GPR19: variants seen among roughly 807,000 people sequenced by gnomAD.
GPR19 encodes G protein-coupled receptor 19, also known as probable G protein-coupled receptor 19.
Under a neutral mutation model 28.5 loss-of-function variants are expected in GPR19, and 14 were observed. The ratio of observed to expected loss-of-function variants is 0.49; its 90% CI spans 0.32 to 0.77. The LOEUF is 0.77. GPR19 is among the 30% of genes least tolerant of loss of function. The probability of loss-of-function intolerance (pLI) is 0.03; values close to 1 mark genes in which losing one functional copy is unlikely to be tolerated. For missense variants in GPR19, 409 were observed against 504.1 expected, an observed-to-expected ratio of 0.81 and a Z score of 1.81; for synonymous variants, 173 against 184.1, an observed-to-expected ratio of 0.94 and a Z score of 0.49.
At position 12,662,187 on chromosome 12, in the gene GPR19, A is replaced by G; in HGVS notation, c.262T>C (p.Leu88=). The stretch of plus-strand genomic sequence containing the variant: ...GTCCTCCTACTCCTATGGATGACCA[A>G]ACAAACCAGGGAATTGCCGAAGATA... The part of the protein sequence containing the change: ...FSIFGNSLVC[L]VIHRSRRTQS... The change falls in exon 4 of 4, where the codon TTG becomes CTG. Residue 88 remains leucine (L), a synonymous_variant. Coordinates refer to ENST00000651487, the MANE Select transcript of GPR19 (RefSeq NM_006143.3). 6.2e-7 allele frequency: 1 copy of G among 1,614,260 alleles called. No homozygotes were observed. The highest frequency in any genetic ancestry group is 8.5e-7 in the Non-Finnish European group (1 of 1,180,046).
rs192774444 is a variant in GPR19, at chr12:12,675,572, A to G, written c.-23+8779T>C. Among the ~76,000 whole-genome samples the G allele has an allele frequency of 4.0e-3, 613 of 152,320 alleles. 2 individuals carry two copies. Among genetic ancestry groups the G allele is most frequent in the African/African-American group, 0.014 (585 of 41,570 alleles). ...ATCCAGGTAGGCCCAATCTAAGCAC[A>G]TGAGCCCTTAAATGCAGGGAACTTT... On this transcript the variant is annotated intron_variant, in intron 3 of 3. Coordinates refer to ENST00000651487, the MANE Select transcript of GPR19 (RefSeq NM_006143.3).
chr12:12,685,623 A>C (rs1044139817), intron 2 of GPR19, among the ~76,000 whole-genome samples: 8 of 152,246 alleles, frequency 5.3e-5, no homozygotes, highest in Non-Finnish European at 4.4e-5. Context: ...GGATTTAAAC[A>C]GTATTCTCAG....
chr12:12,701,037 A>G (rs1305952110), upstream of GPR19, among the ~76,000 whole-genome samples: 2 of 152,186 alleles, frequency 1.3e-5, no homozygotes. Context: ...AATTCCAATT[A>G]AGAGCAGTTT....
In GPR19 at chr12:12,693,141, T is replaced by C. The variant is rs144302848; in HGVS notation, c.-180+2318A>G. ...AAGCTGAAATTGCTGACCATGCCAC[T>C]TGTATTCCAAGTGATTCTGTGTTCC... On this transcript the variant is annotated intron_variant, in intron 2 of 3. Coordinates refer to ENST00000651487, the MANE Select transcript of GPR19 (RefSeq NM_006143.3). 6.8e-4 allele frequency among the ~76,000 whole-genome samples: 104 copies of C among 152,344 alleles called. 1 individual carries two copies. The East Asian group carries it at 0.014, about 21-fold the overall frequency.
chr12:12,673,658 TGA>T (rs1487168322), intron 3 of GPR19, among the ~76,000 whole-genome samples: 1 of 152,082 alleles, frequency 6.6e-6, no homozygotes, highest in African/African-American at 2.4e-5. Context: ...GAAGAAATGA[TGA>T]GTGCAAAGAC....
upstream of GPR19, among the ~76,000 whole-genome samples, chr12:12,701,034 A>G (rs1353908161): frequency 6.6e-6 from 1 of 152,154 alleles, no homozygotes; most frequent in African/African-American, 2.4e-5. Context: ...ATTAATTCCA[A>G]TTAAGAGCAG....
chr12:12,666,047 G>A (rs1945773841), intron 3 of GPR19, among the ~76,000 whole-genome samples: 1 of 152,074 alleles, frequency 6.6e-6, no homozygotes, highest in Non-Finnish European at 1.5e-5. Flanking sequence ...AGGATGAATA[G>A]GACTTCTTCA....
upstream of GPR19, among the ~76,000 whole-genome samples, chr12:12,698,238 A>T (rs965401530): frequency 3.9e-5 from 6 of 152,246 alleles, no homozygotes; most frequent in Admixed American, 3.9e-4. Context: ...ACTGAAAAAA[A>T]ATCTTTGGTG....
At chr12:12,670,743 GTAA>G (rs1247103894) in intron 3 of GPR19, among the ~76,000 whole-genome samples, 1 of 152,128 alleles carries the variant, frequency 6.6e-6, no homozygotes, top group African/African-American at 2.4e-5. Context: ...ACATACTATA[GTAA>G]TAATACTAAC....
the GPR19 span, among the ~76,000 whole-genome samples, chr12:12,701,272 A>C: frequency 6.6e-6 from 1 of 152,338 alleles, no homozygotes; most frequent in East Asian, 1.9e-4. Context: ...TATGTTGCTA[A>C]GGTTTTCTCT....
chr12:12,699,850 G>A (rs558045100), upstream of GPR19, among the ~76,000 whole-genome samples: 2 of 152,246 alleles, frequency 1.3e-5, no homozygotes, highest in Admixed American at 1.3e-4. Flanking sequence ...TTTATGGTCT[G>A]TTATCTTCAA....
chr12:12,661,682 T>A lies in GPR19; in HGVS notation c.767A>T (p.Asp256Val). Residue 256 changes from aspartate (D) to valine (V), a missense_variant, in exon 4 of 4, where the codon GAT becomes GTT. Coordinates refer to ENST00000651487, the MANE Select transcript of GPR19 (RefSeq NM_006143.3). The surrounding 1 kb of genome is among the most constrained non-coding windows in gnomAD (Gnocchi z 4.2). ...CATTGTCCTCCTCACCGTTCGGCCA[T>A]CTGTGCCTATTCTCCAAATATATTT... is the stretch of plus-strand genomic sequence containing the variant. ...VIKYIWRIGT[D>V]GRTVRRTMNI... The A allele has an allele frequency of 1.2e-6, 2 of 1,614,148 alleles. No homozygotes were observed. Among genetic ancestry groups the A allele is most frequent in the Non-Finnish European group, 1.7e-6 (2 of 1,179,970 alleles).
chr12:12,711,505 A>G, the GPR19 span, among the ~76,000 whole-genome samples: 4 of 152,126 alleles, frequency 2.6e-5, no homozygotes, highest in East Asian at 7.7e-4. Flanking sequence ...TGGAAGACAC[A>G]TACCACCTTT....
the GPR19 span, among the ~76,000 whole-genome samples, chr12:12,704,764 A>G: frequency 6.6e-6 from 1 of 152,204 alleles, no homozygotes; most frequent in Non-Finnish European, 1.5e-5. Context: ...TTTAAACAGC[A>G]CAGCAGGTCA....
At chr12:12,699,282 C>T (rs1442985533), upstream of GPR19, among the ~76,000 whole-genome samples, 1 of 151,780 alleles carries the variant, frequency 6.6e-6, no homozygotes, top group East Asian at 1.9e-4. Context: ...GTGGAGGTTG[C>T]AGTGAGCCGA....
the GPR19 span, among the ~76,000 whole-genome samples, chr12:12,709,085 G>A: frequency 6.6e-6 from 1 of 152,082 alleles, no homozygotes; most frequent in Admixed American, 6.5e-5. Flanking sequence ...CGTTAATTAG[G>A]GATGACTTGG....
chr12:12,664,139 G>A (rs1945723434), intron 3 of GPR19, among the ~76,000 whole-genome samples: 1 of 152,078 alleles, frequency 6.6e-6, no homozygotes, highest in Non-Finnish European at 1.5e-5. Context: ...AGAGGCGCGT[G>A]CCACCATGCC....
chr12:12,682,360 CAT>C (rs1397950397), intron 3 of GPR19, among the ~76,000 whole-genome samples: 1 of 152,212 alleles, frequency 6.6e-6, no homozygotes, highest in Admixed American at 6.5e-5. Flanking sequence ...TCTTACTACA[CAT>C]GTGTCTCCTC....
the GPR19 span, among the ~76,000 whole-genome samples, chr12:12,711,575 G>C: frequency 1.3e-5 from 2 of 152,024 alleles, no homozygotes; most frequent in Admixed American, 6.6e-5. Flanking sequence ...AAAGGAGACA[G>C]GGGAATTTCA....
Sources: gnomAD v4.1 joint callset for allele counts (sites outside exome capture counted in the v4.1 genomes callset) on GRCh38, gnomAD v4.1.1 for gene constraint, Gnocchi (gnomAD v3.1) non-coding constraint, MANE v1.5 for transcripts, NCBI Gene and HGNC (gene_info 2026-07-23, HGNC 2026-07-21) for gene names.